Variants in FLG observed in about 807,000 individuals in gnomAD.
FLG encodes filaggrin, also known as epidermal filaggrin.
A neutral mutation model predicts 3.8 loss-of-function variants in FLG; 6 were observed. The ratio of observed to expected loss-of-function variants is 1.60; its 90% CI spans 0.87 to 3.15. FLG has a LOEUF of 3.15. Among genes scored for constraint, FLG ranks in the 30% most tolerant of loss-of-function variants. FLG has a pLI of 0.00. For synonymous variants in FLG, 2,551 were observed against 1,931.6 expected (o/e 1.32, Z -8.41); for missense variants, 7,595 against 5,050.9 (o/e 1.50, Z -15.27).
chr1:152,313,376 A>G lies in FLG; in HGVS notation c.1510T>C (p.Ser504Pro), dbSNP rs766808539. ...CCCTCTTGGGACGCTGAATGCCTGG[A>G]GCTGTCTCGTGCCTGCTCGTGGTGC... The part of the protein sequence containing the change: ...GSHHEQARDS[S>P]RHSASQEGQD... The change falls in exon 3 of 3, where the codon TCC becomes CCC. Residue 504 changes from serine to proline, a missense_variant. Transcript: ENST00000368799. 6.8e-6 allele frequency: 11 copies of G among 1,612,940 alleles called. No homozygotes were observed. Among genetic ancestry groups the G allele is most frequent in the African/African-American group, 1.3e-5 (1 of 74,482 alleles).
rs767077376 is a variant in FLG, at chr1:152,307,962, C to T, written c.6924G>A (p.Glu2308=). The T allele has an allele frequency of 9.3e-6, 15 of 1,614,042 alleles. No individual in the cohort carries two copies. In the East Asian group the frequency reaches 2.7e-4, roughly 29 times the overall value. The change falls in exon 3 of 3, where the codon GAG becomes GAA. Residue 2308 remains glutamate, a synonymous_variant. Coordinates refer to ENST00000368799, the MANE Select transcript of FLG (RefSeq NM_002016.2). ...ATGCAGCCTGTCCACCAGAGGAATT[C>T]TCTGCATGATGAGTGCCTGATTGTC... ...SSRQSGTHHA[E]NSSGGQAASS...
chr1:152,308,660 C>T lies in FLG; in HGVS notation c.6226G>A (p.Ala2076Thr), dbSNP rs78125326. 17,885 of 1,612,256 alleles carry T rather than the reference C, an allele frequency of 0.011. No individual in the cohort carries two copies. In the African/African-American group the frequency reaches 0.2, roughly 18 times the overall value. ...GAGCTTTCCCCTGACTGGCCACGTGCGGACTCTTTGTGGCTCTGCTGATGG... is the reference window on the plus strand; with the variant it reads ...GAGCTTTCCCCTGACTGGCCACGTGTGGACTCTTTGTGGCTCTGCTGATGG... Reference protein sequence around the residue: ...GPHQQSHKESARGQSGESSGR... With the variant: ...GPHQQSHKESTRGQSGESSGR... The change falls in exon 3 of 3, where the codon GCA (alanine) becomes ACA (threonine). Residue 2076 changes from alanine (A) to threonine (T), a missense_variant. Physicochemically the swap from Ala to Thr is moderately conservative, Grantham distance 58 (BLOSUM62 0). Transcript: ENST00000368799.
At position 152,302,991 on chromosome 1, in the gene FLG, C is replaced by G; in HGVS notation, c.11895G>C (p.Arg3965Ser). The change falls in exon 3 of 3, where the codon AGG (arginine) becomes AGC (serine). Residue 3965 changes from arginine to serine, a missense_variant. Physicochemically the swap from Arg to Ser is moderately radical, Grantham distance 110. Coordinates refer to ENST00000368799, the MANE Select transcript of FLG (RefSeq NM_002016.2). The stretch of plus-strand genomic sequence containing the variant: ...AAACTAAACCTGATTGACCTTTTTG[C>G]CTTTCAGTGCCCTCAGATTGATAAT... Reference protein sequence around the residue: ...SYHYQSEGTERQKGQSGLVWR... With the variant: ...SYHYQSEGTESQKGQSGLVWR... 1 of 1,614,142 alleles carries G rather than the reference C, an allele frequency of 6.2e-7. No individual in the cohort carries two copies. The highest frequency in any genetic ancestry group is 2.2e-5 in the East Asian group (1 of 44,888).
Position 152,305,159 on chromosome 1 carries a change from C to G in FLG, c.9727G>C (p.Val3243Leu). The change falls in exon 3 of 3, where the codon GTT becomes CTT. Residue 3243 changes from valine (V) to leucine (L), a missense_variant. Val to Leu is a conservative substitution (Grantham distance 32). Transcript: ENST00000368799. ...GSASRNHRGS[V>L]QEQSRHGSRH... ...GAGCCGTGCCTTGACTGCTCCTGAA[C>G]AGATCCACGATGGTTTCTGGAAGCA... is the stretch of plus-strand genomic sequence containing the variant. The G allele has an allele frequency of 6.8e-6, 11 of 1,613,930 alleles. No homozygotes were observed. The highest frequency in any genetic ancestry group is 9.3e-6 in the Non-Finnish European group (11 of 1,179,980).
Position 152,308,359 on chromosome 1 carries a change from C to G in FLG, c.6527G>C (p.Arg2176Thr), listed in dbSNP as rs749135800. 8.1e-6 allele frequency: 13 copies of G among 1,613,770 alleles called. No individual in the cohort carries two copies. Among genetic ancestry groups the G allele is most frequent in the Non-Finnish European group, 1.1e-5 (13 of 1,179,830 alleles). The change falls in exon 3 of 3, where the codon AGG (arginine) becomes ACG (threonine). Residue 2176 changes from arginine (R) to threonine (T), a missense_variant. Coordinates refer to ENST00000368799, the MANE Select transcript of FLG (RefSeq NM_002016.2). ...TGACTGCCCACGGGAGGCATCAGAC[C>G]TTCCCTGGGATGTGGTGTGGCTGTG... ...SHHSHTTSQG[R>T]SDASRGQSGS...
chr1:152,312,864 T>G lies in FLG; in HGVS notation c.2022A>C (p.Ala674=). 7 of 1,614,108 alleles carry G rather than the reference T, an allele frequency of 4.3e-6. No homozygotes were observed. The highest frequency in any genetic ancestry group is 5.9e-6 in the Non-Finnish European group (7 of 1,180,024). Residue 674 remains alanine (A), a synonymous_variant, in exon 3 of 3, where the codon GCA becomes GCC. Coordinates refer to ENST00000368799, the MANE Select transcript of FLG (RefSeq NM_002016.2). ...GAGTGCCTGATTTTCTGGAGCTGTC[T>G]GCAGAGTGCCCATGACCAGCTCTGT... is the stretch of plus-strand genomic sequence containing the variant. ...HEDRAGHGHS[A]DSSRKSGTRH... is the part of the protein sequence containing the mutation.
rs904482456 is a variant in FLG, at chr1:152,302,476, C to G, written c.*224G>C. On this transcript the variant is annotated 3_prime_UTR_variant, in exon 3 of 3. Transcript: ENST00000368799. ...TCCAGCTAGTTTTCTAAAGTTAGCT[C>G]TCCATGATATTGATTTCTTCCATTT... The G allele has an allele frequency of 3.4e-6, 2 of 588,156 alleles. No individual in the cohort carries two copies. The highest frequency in any genetic ancestry group is 3.3e-5 in the Admixed American group (1 of 30,590). 36.4% of individuals were successfully genotyped at this position (588,156 alleles called of 1,614,324 possible). A position where few individuals can be genotyped will look rare whatever the true frequency, so the allele number is the denominator to read the frequency against.
rs757547194 is a variant in FLG, at chr1:152,305,338, T to C, written c.9548A>G (p.His3183Arg). Residue 3183 changes from histidine to arginine, a missense_variant, in exon 3 of 3, where the codon CAT becomes CGT. His to Arg is a conservative substitution (Grantham distance 29, BLOSUM62 0). Transcript: ENST00000368799. Reference sequence around the variant, plus strand: ...GATGTCGGCATGAGTGGAAGCTTCATGGTGACGTGACACTGAGTGCCTGGA... The same window carrying C: ...GATGTCGGCATGAGTGGAAGCTTCACGGTGACGTGACACTGAGTGCCTGGA... ...DSSRHSVSRH[H>R]EASTHADISR... 6.2e-7 allele frequency: 1 copy of C among 1,608,328 alleles called. No individual in the cohort carries two copies. The highest frequency in any genetic ancestry group is 1.4e-5 in the African/African-American group (1 of 73,534).
At position 152,306,998 on chromosome 1, in the gene FLG, G is replaced by C. The variant is rs1404597025; in HGVS notation, c.7888C>G (p.His2630Asp). ...TGTCCACCAGAGGAAGTCTGTGTGT[G>C]ACGAGTGCCTGATTGTCTGGAGCTG... ...ADSSRQSGTRHTQTSSGGQAA... is the reference protein window; with the variant it reads ...ADSSRQSGTRDTQTSSGGQAA... The change falls in exon 3 of 3, where the codon CAC becomes GAC. Residue 2630 changes from histidine to aspartate, a missense_variant. His to Asp is a moderately conservative substitution (Grantham distance 81). Coordinates refer to ENST00000368799, the MANE Select transcript of FLG (RefSeq NM_002016.2). 1 of 1,586,942 alleles carries C rather than the reference G, an allele frequency of 6.3e-7. No homozygotes were observed. The highest frequency in any genetic ancestry group is 8.6e-7 in the Non-Finnish European group (1 of 1,168,206).
intron 1 of FLG, among the ~76,000 whole-genome samples, chr1:152,317,747 G>A (rs570369968): frequency 3.9e-4 from 60 of 152,152 alleles, no homozygotes; most frequent in African/African-American, 1.3e-3. Context: ...AACTTGAGAT[G>A]TGTATGTCTA....
rs766507557 is a variant in FLG at position 152,312,075 on chromosome 1, C to T, written c.2811G>A (p.Arg937=). Residue 937 remains arginine (R), a synonymous_variant, in exon 3 of 3, where the codon AGG becomes AGA. Transcript: ENST00000368799. ...QAGQGQSEGS[R]TSRRQGSSVS... is the part of the protein sequence containing the mutation. ...CACTGGATCCCTGGCGCCTGCTTGTCCTGGACCCCTCTGATTGTCCCTGGC... is the reference window on the plus strand; with the variant it reads ...CACTGGATCCCTGGCGCCTGCTTGTTCTGGACCCCTCTGATTGTCCCTGGC... The T allele has an allele frequency of 3.7e-6, 6 of 1,614,126 alleles. No homozygotes were observed. Among genetic ancestry groups the T allele is most frequent in the South Asian group, 1.1e-5 (1 of 91,080 alleles).
In FLG at chr1:152,308,146, C is replaced by G; in HGVS notation, c.6740G>C (p.Ser2247Thr). The stretch of plus-strand genomic sequence containing the variant: ...ATCTTCTGAGTGTCCCTCACTGTCA[C>G]TGTCCTGGCTAACACTGGATCCCCG... Reference protein sequence around the residue: ...RPRGSSVSQDSDSEGHSEDSE... With the variant: ...RPRGSSVSQDTDSEGHSEDSE... Residue 2247 changes from serine (S) to threonine (T), a missense_variant, in exon 3 of 3, where the codon AGT becomes ACT. Ser to Thr is a moderately conservative substitution (Grantham distance 58). Transcript: ENST00000368799. The G allele has an allele frequency of 6.2e-7, 1 of 1,614,100 alleles. No homozygotes were observed. The highest frequency in any genetic ancestry group is 8.5e-7 in the Non-Finnish European group (1 of 1,180,036).
Position 152,310,694 on chromosome 1 carries a change from T to C in FLG, c.4192A>G (p.Ser1398Gly). 1 of 1,614,098 alleles carries C rather than the reference T, an allele frequency of 6.2e-7. No homozygotes were observed. Among genetic ancestry groups the C allele is most frequent in the South Asian group, 1.1e-5 (1 of 91,070 alleles). ...RGSSGSQVTN[S>G]EGHSEDSDTQ... ...TCTGAGTCTTCTGAATGTCCCTCAC[T>C]GTTAGTGACCTGACTACCACTGGAC... is the stretch of plus-strand genomic sequence containing the variant. The change falls in exon 3 of 3, where the codon AGT (serine) becomes GGT (glycine). Residue 1398 changes from serine to glycine, a missense_variant. Ser to Gly is a moderately conservative substitution (Grantham distance 56). Transcript: ENST00000368799.
Position 152,313,252 on chromosome 1 carries a change from T to C in FLG, c.1634A>G (p.His545Arg). Reference protein sequence around the residue: ...SVNRSGHSGSHHSHTTSQGRS... With the variant: ...SVNRSGHSGSRHSHTTSQGRS... The stretch of plus-strand genomic sequence containing the variant: ...TCCCTGGGATGTGGTGTGGCTGTGA[T>C]GGGAACCTGAGTGTCCAGACCTATT... The change falls in exon 3 of 3, where the codon CAT becomes CGT. Residue 545 changes from histidine to arginine, a missense_variant. By Grantham distance (29) the His-to-Arg change is conservative. Transcript: ENST00000368799. 6.2e-7 allele frequency: 1 copy of C among 1,613,960 alleles called. No individual in the cohort carries two copies. The highest frequency in any genetic ancestry group is 8.5e-7 in the Non-Finnish European group (1 of 1,180,016).
chr1:152,307,363 G>A lies in FLG; in HGVS notation c.7523C>T (p.Ser2508Leu). 1 of 1,613,010 alleles carries A rather than the reference G, an allele frequency of 6.2e-7. No individual in the cohort carries two copies. Residue 2508 changes from serine (S) to leucine (L), a missense_variant, in exon 3 of 3, where the codon TCA becomes TTA. Ser to Leu is a moderately radical substitution (Grantham distance 145). Transcript: ENST00000368799. ...TTGTCTGCTTGCACTTCTGGATCCT[G>A]AGTGCCCATGGGAGGCATCAGACCT... ...QGRSDASHGH[S>L]GSRSASRQTR... is the part of the protein sequence containing the mutation.
In FLG at chr1:152,308,872, T is replaced by C. The variant is rs1218420162; in HGVS notation, c.6014A>G (p.His2005Arg). ...EQARSSAGER[H>R]GSHHQLQSAD... ...TGACTGGAGCTGGTGGTGGGATCCA[T>C]GTCTTTCTCCTGCACTTGATCTTGC... The change falls in exon 3 of 3, where the codon CAT (histidine) becomes CGT (arginine). Residue 2005 changes from histidine to arginine, a missense_variant. Coordinates refer to ENST00000368799, the MANE Select transcript of FLG (RefSeq NM_002016.2). 3.7e-6 allele frequency: 6 copies of C among 1,614,060 alleles called. No individual in the cohort carries two copies. The Admixed American group carries it at 6.7e-5, about 18-fold the overall frequency.
rs1489710329 is a variant in FLG, at chr1:152,310,529, A to G, written c.4357T>C (p.Ser1453Pro). 6.8e-6 allele frequency: 11 copies of G among 1,613,230 alleles called. No individual in the cohort carries two copies. Among genetic ancestry groups the G allele is most frequent in the Non-Finnish European group, 7.6e-6 (9 of 1,179,794 alleles). Residue 1453 changes from serine (S) to proline (P), a missense_variant, in exon 3 of 3, where the codon TCC becomes CCC. Coordinates refer to ENST00000368799, the MANE Select transcript of FLG (RefSeq NM_002016.2). ...CTGGGTGCAGTCTGTCCGTGTGTGG[A>G]CTCAGACTGTTCATGAGAGCTCACC... ...YQVSSHEQSE[S>P]THGQTAPSTG...
At chr1:152,318,675 C>G (rs906240036) in intron 1 of FLG, among the ~76,000 whole-genome samples, 1 of 151,870 alleles carries the variant, frequency 6.6e-6, no homozygotes, top group Non-Finnish European at 1.5e-5. Context: ...ATAACCTTTT[C>G]TCAGAGCTTA....
rs777209615 is a variant in FLG at position 152,313,918 on chromosome 1, C to T, written c.968G>A (p.Gly323Glu). 6.2e-7 allele frequency: 1 copy of T among 1,613,916 alleles called. No individual in the cohort carries two copies. Among genetic ancestry groups the T allele is most frequent in the South Asian group, 1.1e-5 (1 of 91,052 alleles). ...ATCTCTTGACTGCTCCCACGCAGAT[C>T]CATGATGGTTTCTGGAAGCCGACCC... is the stretch of plus-strand genomic sequence containing the variant. ...HSGSASRNHH[G>E]SAWEQSRDGS... The change falls in exon 3 of 3, where the codon GGA becomes GAA. Residue 323 changes from glycine to glutamate, a missense_variant. Gly to Glu is a moderately conservative substitution (Grantham distance 98). Transcript: ENST00000368799.
Sources: allele counts gnomAD v4.1 joint callset (sites outside exome capture counted in the v4.1 genomes callset), GRCh38; gene constraint gnomAD v4.1.1; transcripts MANE v1.5; gene names NCBI Gene and HGNC (gene_info 2026-07-23, HGNC 2026-07-21).